Variants in LRRC47 observed in about 807,000 individuals in gnomAD.
LRRC47 encodes leucine-rich repeat-containing protein 47.
LRRC47 carries 31 observed loss-of-function variants against 40.9 expected under a neutral mutation model. The ratio of observed to expected loss-of-function variants is 0.76; its 90% confidence interval spans 0.57 to 1.02. The LOEUF (loss-of-function observed/expected upper bound fraction) is 1.02. Ranked by LOEUF, LRRC47 falls within the 50% of genes least tolerant of loss-of-function variation. The pLI, the probability that LRRC47 is intolerant of heterozygous loss-of-function variation, is 0.00. For missense variants in LRRC47, 726 were observed against 796.1 expected (o/e 0.91, Z 1.06); for synonymous variants, 427 against 371.9 (o/e 1.15, Z -1.70).
At chr1:3,787,378 G>A in intron 1 of LRRC47, 68 bp from the exon 2 acceptor site, 1 of 1,436,304 alleles carries the variant, frequency 7.0e-7, no homozygotes, top group South Asian at 1.4e-5. Context: ...TCATGCTCGA[G>A]AGGCAGGGAG....
At position 3,786,829 on chromosome 1, in the gene LRRC47, G is replaced by A; in HGVS notation, c.1077+20C>T. 6.4e-7 allele frequency: 1 copy of A among 1,559,676 alleles called. No homozygotes were observed. The highest frequency in any genetic ancestry group is 8.7e-7 in the Non-Finnish European group (1 of 1,150,866). On this transcript the variant is annotated intron_variant, in intron 2 of 6. Transcript: ENST00000378251. ...TCACACCTCTGTCCCAGTCATCTGA[G>A]GACCCCCACGGGCACCCACCTGCGA... is the stretch of plus-strand genomic sequence containing the variant.
intron 1 of LRRC47, among the ~76,000 whole-genome samples, chr1:3,789,463 T>C (rs1188331685): frequency 2.0e-5 from 3 of 152,262 alleles, no homozygotes; most frequent in Non-Finnish European, 4.4e-5. Context: ...AAAGAGCAAG[T>C]TCCTTCAGAC....
rs1186618500 is a variant in LRRC47 at position 3,781,030 on chromosome 1, T to C, written c.*58A>G. 3.8e-6 allele frequency: 6 copies of C among 1,576,752 alleles called. No homozygotes were observed. The East Asian group carries it at 1.1e-4, about 30-fold the overall frequency. ...GAAAATCTAACGGATAATTCAGCAT[T>C]GCCGCATAGAAACCTCCGCAAAACC... is the stretch of plus-strand genomic sequence containing the variant. On this transcript the variant is annotated 3_prime_UTR_variant, in exon 7 of 7. Coordinates refer to ENST00000378251, the MANE Select transcript of LRRC47 (RefSeq NM_020710.3).
At position 3,781,179 on chromosome 1, in the gene LRRC47, C is replaced by T. The variant is rs752139802; in HGVS notation, c.1661G>A (p.Arg554Gln). 5.6e-6 allele frequency: 9 copies of T among 1,614,162 alleles called. No individual in the cohort carries two copies. The highest frequency in any genetic ancestry group is 2.2e-5 in the South Asian group (2 of 91,076). Residue 554 changes from arginine to glutamine, a missense_variant, in exon 7 of 7, where the codon CGG becomes CAG. Transcript: ENST00000378251. ...CAGGCTCCCTTCCAGATCCACCACCCGGACCTGCTCCACCACCAGAAGGGA... is the reference window on the plus strand; with the variant it reads ...CAGGCTCCCTTCCAGATCCACCACCTGGACCTGCTCCACCACCAGAAGGGA... The part of the protein sequence containing the change: ...GPSLLVVEQV[R>Q]VVDLEGSLKV...
In LRRC47 at chr1:3,778,598, G is replaced by C. The variant is rs1340595632; in HGVS notation, c.*2490C>G. ...TTTTTATTAGTGAGTCGGGGGGTGG[G>C]GTGGGGTGAAGAAAACATCAGAGAC... On this transcript the variant is annotated 3_prime_UTR_variant, in exon 7 of 7. Coordinates refer to ENST00000378251, the MANE Select transcript of LRRC47 (RefSeq NM_020710.3). 2 of 153,812 alleles carry C rather than the reference G, an allele frequency of 1.3e-5. No individual in the cohort carries two copies. Among genetic ancestry groups the C allele is most frequent in the Admixed American group, 1.3e-4 (2 of 15,276 alleles). 9.5% of individuals were successfully genotyped at this position (153,812 alleles called of 1,614,324 possible). A position where few individuals can be genotyped will look rare whatever the true frequency, so the allele number is the denominator to read the frequency against.
intron 1 of LRRC47, among the ~76,000 whole-genome samples, chr1:3,794,883 G>A (rs958784314): frequency 2.6e-5 from 4 of 151,384 alleles, no homozygotes; most frequent in Admixed American, 1.3e-4. Context: ...AGTGAAACCC[G>A]TCTCTACTAA....
chr1:3,796,366 C>T lies in LRRC47; in HGVS notation c.111G>A (p.Ala37=), dbSNP rs1348529787. The stretch of plus-strand genomic sequence containing the variant: ...GCCGCGGCGGCAGCTGCCCACCCGC[C>T]GCCCGCACTCGCTCCTCCAGCCCGG... ...TGPGLEERVR[A]AGGQLPPRLF... Residue 37 remains alanine, a synonymous_variant, in exon 1 of 7, where the codon GCG becomes GCA. Coordinates refer to ENST00000378251, the MANE Select transcript of LRRC47 (RefSeq NM_020710.3). The T allele has an allele frequency of 5.3e-6, 8 of 1,511,516 alleles. No individual in the cohort carries two copies. Among genetic ancestry groups the T allele is most frequent in the Non-Finnish European group, 7.0e-6 (8 of 1,137,718 alleles). 93.6% of individuals were successfully genotyped at this position (1,511,516 alleles called of 1,614,324 possible).
intron 1 of LRRC47, among the ~76,000 whole-genome samples, 181 bp downstream of exon 1, chr1:3,795,681 A>T (rs1194776097): frequency 6.6e-6 from 1 of 152,234 alleles, no homozygotes; most frequent in Non-Finnish European, 1.5e-5. Context: ...GGGAGTTGGA[A>T]GGCGGCATCT....
rs1400388228 is a variant in LRRC47, at chr1:3,796,006, G to C, written c.471C>G (p.Ser157Arg). 6.4e-7 allele frequency: 1 copy of C among 1,560,170 alleles called. No homozygotes were observed. Among genetic ancestry groups the C allele is most frequent in the Non-Finnish European group, 8.7e-7 (1 of 1,154,200 alleles). ...CTAGGCAATTGCCGGTGAGGTTGAG[G>C]CTCTGCAGGCGCGGGGCGCAGCGCG... ...DLARCAPRLQ[S>R]LNLTGNCLDS... is the part of the protein sequence containing the mutation. Residue 157 changes from serine (S) to arginine (R), a missense_variant, in exon 1 of 7, where the codon AGC becomes AGG. Transcript: ENST00000378251.
At chr1:3,782,102 GCT>G (rs1265995092) in intron 5 of LRRC47, among the ~76,000 whole-genome samples, 1 of 152,212 alleles carries the variant, frequency 6.6e-6, no homozygotes, top group Non-Finnish European at 1.5e-5. Flanking sequence ...GTGAGCTGTA[GCT>G]CTGAGAAGCC....
intron 2 of LRRC47, among the ~76,000 whole-genome samples, 166 bp downstream of exon 2, chr1:3,786,683 T>C (rs1163981218): frequency 6.6e-6 from 1 of 152,172 alleles, no homozygotes; most frequent in Non-Finnish European, 1.5e-5. Context: ...AGCCAGAACC[T>C]GCTCTATTCC....
In LRRC47 at chr1:3,791,807, G is replaced by A. The variant is rs543888979; in HGVS notation, c.615+4055C>T. 1.1e-3 allele frequency among the ~76,000 whole-genome samples: 170 copies of A among 152,114 alleles called. 1 individual carries two copies. Among genetic ancestry groups the A allele is most frequent in the Admixed American group, 7.5e-3 (115 of 15,268 alleles). ...CTAGCTCTGTTGCCCAGGCTGGAGT[G>A]CAGTGGTGTGATCATGGCTCACTGC... On this transcript the variant is annotated intron_variant, in intron 1 of 6. Coordinates refer to ENST00000378251, the MANE Select transcript of LRRC47 (RefSeq NM_020710.3).
At chr1:3,783,756 G>A (rs1643543876) in intron 4 of LRRC47, 1 of 522,412 alleles carries the variant, frequency 1.9e-6, no homozygotes, top group Non-Finnish European at 3.4e-6. Context: ...CGCCCCCTGT[G>A]GAATGGCCAA....
At position 3,796,284 on chromosome 1, in the gene LRRC47, C is replaced by T. The variant is rs565072797; in HGVS notation, c.193G>A (p.Ala65Thr). 1.8e-3 allele frequency: 2,658 copies of T among 1,480,456 alleles called. 4 individuals carry two copies. Among genetic ancestry groups the T allele is most frequent in the Admixed American group, 2.2e-3 (93 of 42,706 alleles). 91.7% of individuals were successfully genotyped at this position (1,480,456 alleles called of 1,614,324 possible). A position where few individuals can be genotyped will look rare whatever the true frequency, so the allele number is the denominator to read the frequency against. ...LEVSGCGSLR[A>T]PGPGLAQGLP... ...CCCTGCGCCAGGCCAGGCCCCGGCGCGCGCAAGCTCCCGCAGCCGCTCACT... is the reference window on the plus strand; with the variant it reads ...CCCTGCGCCAGGCCAGGCCCCGGCGTGCGCAAGCTCCCGCAGCCGCTCACT... The change falls in exon 1 of 7, where the codon GCG (alanine) becomes ACG (threonine). Residue 65 changes from alanine (A) to threonine (T), a missense_variant. Transcript: ENST00000378251.
At position 3,784,114 on chromosome 1, in the gene LRRC47, A is replaced by C; in HGVS notation, c.1195-3T>G. ...TCTTTCCGCCCCAAGGGGACAATCT[A>C]TCGGGCAGAAACCCACAAACTCCAC... On this transcript the variant is annotated splice_polypyrimidine_tract_variant and splice_region_variant and intron_variant, in intron 3 of 6. Transcript: ENST00000378251. The C allele has an allele frequency of 6.2e-7, 1 of 1,604,914 alleles. No homozygotes were observed. The highest frequency in any genetic ancestry group is 8.5e-7 in the Non-Finnish European group (1 of 1,175,802).
intron 6 of LRRC47, 26 bp from the exon 7 acceptor site, chr1:3,781,362 C>T (rs1381277070): frequency 5.0e-6 from 8 of 1,607,016 alleles, no homozygotes; most frequent in Non-Finnish European, 6.8e-6. Flanking sequence ...ACCTTTTTAA[C>T]CTGGAGATGA....
intron 5 of LRRC47, 96 bp downstream of exon 5, chr1:3,782,565 A>G: frequency 1.3e-6 from 1 of 770,360 alleles, no homozygotes; most frequent in Non-Finnish European, 2.3e-6. Flanking sequence ...AAATGCTGGG[A>G]TTACCGGTGT....
In LRRC47 at chr1:3,795,968, G is replaced by A. The variant is rs769015464; in HGVS notation, c.509C>T (p.Ala170Val). 6.3e-7 allele frequency: 1 copy of A among 1,587,452 alleles called. No homozygotes were observed. The highest frequency in any genetic ancestry group is 1.1e-5 in the South Asian group (1 of 87,764). The change falls in exon 1 of 7, where the codon GCC becomes GTC. Residue 170 changes from alanine (A) to valine (V), a missense_variant. Ala to Val is a moderately conservative substitution (Grantham distance 64, BLOSUM62 0). Coordinates refer to ENST00000378251, the MANE Select transcript of LRRC47 (RefSeq NM_020710.3). Reference sequence around the variant, plus strand: ...CAGCGCGCCGGGGCGAAAGAGCTCGGCGGGAAAGGAGTCTAGGCAATTGCC... The same window carrying A: ...CAGCGCGCCGGGGCGAAAGAGCTCGACGGGAAAGGAGTCTAGGCAATTGCC... ...LTGNCLDSFP[A>V]ELFRPGALPL...
chr1:3,794,267 A>G (rs978867682), intron 1 of LRRC47, among the ~76,000 whole-genome samples: 1 of 152,218 alleles, frequency 6.6e-6, no homozygotes, highest in Non-Finnish European at 1.5e-5. Context: ...AACTTTCTCT[A>G]TTGCAACCCT....
Sources: gnomAD v4.1 joint callset for allele counts (sites outside exome capture counted in the v4.1 genomes callset) on GRCh38, gnomAD v4.1.1 for gene constraint, MANE v1.5 for transcripts, NCBI Gene and HGNC (gene_info 2026-07-23, HGNC 2026-07-21) for gene names.